Variants in CCDC167 observed in about 807,000 individuals in gnomAD.
CCDC167 encodes the protein coiled-coil domain containing 167, also known as coiled-coil domain-containing protein 167.
Under a neutral mutation model 12.7 loss-of-function variants are expected in CCDC167, and 15 were observed. That is an observed-to-expected ratio of 1.18 (90% CI 0.79 to 1.81). The LOEUF (loss-of-function observed/expected upper bound fraction) is 1.81, where lower values mean the gene tolerates loss of function less well. Ranked by LOEUF, CCDC167 falls within the 40% of genes most tolerant of loss-of-function variation. The pLI is 0.00. For missense variants in CCDC167, 121 were observed against 120.1 expected (o/e 1.01, Z -0.03); for synonymous variants, 52 against 49.0 (o/e 1.06, Z -0.26).
intron 1 of CCDC167, among the ~76,000 whole-genome samples, chr6:37,493,712 A>T (rs888683313): frequency 2.0e-5 from 3 of 152,218 alleles, no homozygotes; most frequent in African/African-American, 7.2e-5. Flanking sequence ...CGCCTGCTCT[A>T]CTGTGACCTC....
At chr6:37,487,118 T>C (rs560189128) in intron 1 of CCDC167, among the ~76,000 whole-genome samples, 1 of 152,292 alleles carries the variant, frequency 6.6e-6, no homozygotes, top group African/African-American at 2.4e-5. Context: ...CTTCTGTTTG[T>C]GTCCAAACTT....
At chr6:37,485,053 G>GT (rs1761924580) in intron 2 of CCDC167, 47 bp downstream of exon 2, 1 of 1,539,400 alleles carries the variant, frequency 6.5e-7, no homozygotes, top group Admixed American at 1.7e-5. Flanking sequence ...GATACAGGGG[G>GT]TGGGGGCCTG....
At chr6:37,484,968 G>C (rs1019208327) in intron 2 of CCDC167, 106 bp from the exon 3 acceptor site, 52 of 1,484,412 alleles carry the variant, frequency 3.5e-5, no homozygotes, top group Non-Finnish European at 4.9e-5. Context: ...CGGCGGCAGG[G>C]GGGGTGTGCA....
At chr6:37,498,199 C>T (rs1762120986) in intron 1 of CCDC167, among the ~76,000 whole-genome samples, 1 of 152,108 alleles carries the variant, frequency 6.6e-6, no homozygotes, top group African/African-American at 2.4e-5. Flanking sequence ...CTAGAAGAGA[C>T]CATGTCTCTT....
intron 1 of CCDC167, among the ~76,000 whole-genome samples, chr6:37,498,448 G>A (rs964935720): frequency 6.6e-6 from 1 of 151,800 alleles, no homozygotes; most frequent in Admixed American, 6.6e-5. Flanking sequence ...TTCCTACCAA[G>A]TGGGCCAATA....
intron 1 of CCDC167, among the ~76,000 whole-genome samples, chr6:37,492,654 C>G (rs1286807097): frequency 1.3e-5 from 2 of 152,238 alleles, no homozygotes; most frequent in Non-Finnish European, 2.9e-5. Context: ...CTTGCTAATT[C>G]ACAGCCTGGA....
intron 1 of CCDC167, among the ~76,000 whole-genome samples, chr6:37,489,686 G>A (rs1761990705): frequency 2.0e-5 from 3 of 152,252 alleles, no homozygotes; most frequent in Admixed American, 2.0e-4. Flanking sequence ...GTTCTAGGCA[G>A]CCTGAAGAGG....
chr6:37,483,406 C>T, intron 3 of CCDC167, 117 bp from the exon 4 acceptor site: 1 of 675,150 alleles, frequency 1.5e-6, no homozygotes, highest in Non-Finnish European at 2.7e-6. Context: ...CTTCCAGCCA[C>T]CTCCTTACCC....
At chr6:37,490,091 G>A (rs1189745762) in intron 1 of CCDC167, among the ~76,000 whole-genome samples, 1 of 152,246 alleles carries the variant, frequency 6.6e-6, no homozygotes, top group Admixed American at 6.5e-5. Context: ...GCTGCGATCT[G>A]CAGGGGCTTT....
At chr6:37,487,197 A>G (rs529463781) in intron 1 of CCDC167, among the ~76,000 whole-genome samples, 188 of 152,320 alleles carry the variant, frequency 1.2e-3, no homozygotes, top group African/African-American at 4.1e-3. Flanking sequence ...TCTAGCCCAC[A>G]GATTGGCCCA....
At chr6:37,496,412 C>T (rs1345329873) in intron 1 of CCDC167, among the ~76,000 whole-genome samples, 1 of 151,954 alleles carries the variant, frequency 6.6e-6, no homozygotes, top group Non-Finnish European at 1.5e-5. Flanking sequence ...ACAGCCTGGG[C>T]AACAGAGCAA....
chr6:37,492,747 A>G (rs925721786), intron 1 of CCDC167, among the ~76,000 whole-genome samples: 6 of 152,180 alleles, frequency 3.9e-5, no homozygotes, highest in Non-Finnish European at 8.8e-5. Flanking sequence ...ACACGTCAGG[A>G]GACCCCAGGA....
At chr6:37,491,567 T>C (rs1762022936) in intron 1 of CCDC167, among the ~76,000 whole-genome samples, 1 of 152,144 alleles carries the variant, frequency 6.6e-6, no homozygotes, top group Non-Finnish European at 1.5e-5. Flanking sequence ...GACAGGTCCT[T>C]ACTGGGCACT....
rs111960872 is a variant in CCDC167, at chr6:37,499,760, C to T, written c.42+62G>A. The T allele has an allele frequency of 1.0e-3, 1,565 of 1,566,576 alleles. 15 individuals are homozygous for T. The African/African-American group carries it at 0.017, about 17-fold the overall frequency. On this transcript the variant is annotated intron_variant, in intron 1 of 3. Coordinates refer to ENST00000373408, the MANE Select transcript of CCDC167 (RefSeq NM_138493.3). ...CTCCTATCTATAGCCCAGCCTATCC[C>T]TTATCCCGCGGCCAGGAGAAGGCAA...
chr6:37,484,545 T>C (rs1248594832), intron 3 of CCDC167, among the ~76,000 whole-genome samples: 1 of 152,148 alleles, frequency 6.6e-6, no homozygotes, highest in Non-Finnish European at 1.5e-5. Context: ...AATGATTGTC[T>C]CCTAGACCTG....
intron 1 of CCDC167, among the ~76,000 whole-genome samples, chr6:37,492,011 A>T (rs182563744): frequency 6.6e-6 from 1 of 151,674 alleles, no homozygotes; most frequent in Non-Finnish European, 1.5e-5. Flanking sequence ...TCCACACCTT[A>T]CCCCTGGAGC....
Position 37,490,252 on chromosome 6 carries a change from T to A in CCDC167, c.43-5058A>T, listed in dbSNP as rs116429095. Among the ~76,000 whole-genome samples the A allele has an allele frequency of 4.2e-3, 638 of 151,334 alleles. 5 individuals carry two copies. Among genetic ancestry groups the A allele is most frequent in the African/African-American group, 0.014 (562 of 41,216 alleles). On this transcript the variant is annotated intron_variant, in intron 1 of 3. Coordinates refer to ENST00000373408, the MANE Select transcript of CCDC167 (RefSeq NM_138493.3). ...GGGGCCCAAGGAACAGGTTGGAGAGTGTGAAGGGTGTCCTGGGGAAAGTCT... is the reference window on the plus strand; with the variant it reads ...GGGGCCCAAGGAACAGGTTGGAGAGAGTGAAGGGTGTCCTGGGGAAAGTCT...
At chr6:37,491,122 G>A (rs574510952) in intron 1 of CCDC167, among the ~76,000 whole-genome samples, 47 of 152,178 alleles carry the variant, frequency 3.1e-4, no homozygotes, top group Non-Finnish European at 6.2e-4. Context: ...AGGGAATTTC[G>A]TGCCAGCTCA....
At chr6:37,499,794 G>T (rs1762142117) in intron 1 of CCDC167, 28 bp downstream of exon 1, 1 of 1,613,054 alleles carries the variant, frequency 6.2e-7, no homozygotes, top group East Asian at 2.2e-5. Flanking sequence ...AACTAACGAG[G>T]TGGCCCAACC....
Sources: gnomAD v4.1 joint callset for allele counts (sites outside exome capture counted in the v4.1 genomes callset) on GRCh38, gnomAD v4.1.1 for gene constraint, MANE v1.5 for transcripts, NCBI Gene and HGNC (gene_info 2026-07-23, HGNC 2026-07-21) for gene names.